The following CATSPER3 variants were observed in gnomAD, a reference collection of about 807,000 sequenced individuals.
The protein encoded by CATSPER3 is cation channel sperm-associated protein 3.
CATSPER3 carries 23 observed loss-of-function variants against 36.6 expected under a neutral mutation model. That is an observed-to-expected ratio of 0.63 (90% CI 0.45 to 0.89). The LOEUF is 0.89. Ranked by LOEUF, CATSPER3 falls within the 40% of genes least tolerant of loss-of-function variation. The pLI is 0.00. For synonymous variants in CATSPER3, 172 were observed against 184.1 expected (o/e 0.93, Z 0.53); for missense variants, 474 against 503.9 (o/e 0.94, Z 0.57).
At position 134,996,523 on chromosome 5, in the gene CATSPER3, T is replaced by C; in HGVS notation, c.492+11T>C. On this transcript the variant is annotated intron_variant, in intron 3 of 7. Coordinates refer to ENST00000282611, the MANE Select transcript of CATSPER3 (RefSeq NM_178019.3). ...AGCCAGGGCATCCGGGTGAGTGCAC[T>C]GGGGGTGTCATGGTGCTGGGAGGGC... 3 of 1,613,534 alleles carry C rather than the reference T, an allele frequency of 1.9e-6. No individual in the cohort carries two copies. In the South Asian group the frequency reaches 3.3e-5, roughly 18 times the overall value.
intron 2 of CATSPER3, among the ~76,000 whole-genome samples, chr5:134,986,213 C>T (rs1751806575): frequency 6.6e-6 from 1 of 151,268 alleles, no homozygotes; most frequent in African/African-American, 2.4e-5. Context: ...GGCACAATCT[C>T]AGCTCACTGC....
chr5:134,997,226 C>G (rs1438591908), intron 3 of CATSPER3, among the ~76,000 whole-genome samples: 2 of 152,234 alleles, frequency 1.3e-5, no homozygotes, highest in African/African-American at 4.8e-5. Flanking sequence ...GGAGGCTGCC[C>G]CTCGCCTGGG....
intron 4 of CATSPER3, among the ~76,000 whole-genome samples, chr5:135,008,371 G>T (rs1488174605): frequency 1.3e-5 from 2 of 152,116 alleles, no homozygotes; most frequent in Non-Finnish European, 2.9e-5. Flanking sequence ...TGTCTCACAG[G>T]GTGATCAAAC....
chr5:134,970,568 AT>A (rs35264342), intron 2 of CATSPER3, among the ~76,000 whole-genome samples: 2,370 of 124,196 alleles, frequency 0.019, 49 homozygotes, highest in African/African-American at 0.064. Context: ...GACATGGTGG[AT>A]TTTTTTTTTT....
In CATSPER3 at chr5:134,996,144, C is replaced by G. The variant is rs1456617414; in HGVS notation, c.253-129C>G. ...CTGAGCGTGTGCTGTGTGCCAGAAACTCTGCCTGGGTTTCTCTCTCATGTG... is the reference window on the plus strand; with the variant it reads ...CTGAGCGTGTGCTGTGTGCCAGAAAGTCTGCCTGGGTTTCTCTCTCATGTG... On this transcript the variant is annotated intron_variant, in intron 2 of 7. Transcript: ENST00000282611. The G allele has an allele frequency of 6.0e-6, 7 of 1,170,490 alleles. No homozygotes were observed. The East Asian group carries it at 1.6e-4, about 27-fold the overall frequency. 72.5% of individuals were successfully genotyped at this position (1,170,490 alleles called of 1,614,324 possible).
rs1219418849 is a variant in CATSPER3, at chr5:134,968,040, C to T, written c.49C>T (p.Pro17Ser). The T allele has an allele frequency of 1.2e-6, 2 of 1,613,924 alleles. No homozygotes were observed. The highest frequency in any genetic ancestry group is 2.2e-5 in the East Asian group (1 of 44,902). ...CCACTCGAGAGTCATTTCTAGTTCACCAGTTGACACTACATCGGTGGGATT... is the reference window on the plus strand; with the variant it reads ...CCACTCGAGAGTCATTTCTAGTTCATCAGTTGACACTACATCGGTGGGATT... ...QRHSRVISSS[P>S]VDTTSVGFCP... is the part of the protein sequence containing the mutation. Residue 17 changes from proline (P) to serine (S), a missense_variant, in exon 1 of 8, where the codon CCA becomes TCA. Pro to Ser is a moderately conservative substitution (Grantham distance 74). Transcript: ENST00000282611.
intron 2 of CATSPER3, among the ~76,000 whole-genome samples, chr5:134,993,618 TAA>T (rs1384770379): frequency 6.6e-6 from 1 of 152,158 alleles, no homozygotes; most frequent in Non-Finnish European, 1.5e-5. Context: ...ATCAGAAGTC[TAA>T]CAATTTTATG....
chr5:134,969,845 A>G (rs1751579676), intron 1 of CATSPER3, 94 bp from the exon 2 acceptor site: 3 of 1,284,088 alleles, frequency 2.3e-6, no homozygotes, highest in Admixed American at 1.7e-5. Context: ...CACAAGGGAG[A>G]AAGCAGAGCC....
intron 2 of CATSPER3, among the ~76,000 whole-genome samples, chr5:134,977,904 G>A (rs957665046): frequency 2.6e-5 from 4 of 152,178 alleles, no homozygotes; most frequent in Non-Finnish European, 4.4e-5. Flanking sequence ...TGGTGAGAGA[G>A]AGAGCAAGAG....
intron 2 of CATSPER3, among the ~76,000 whole-genome samples, chr5:134,992,447 G>A (rs185351139): frequency 6.8e-4 from 103 of 152,168 alleles, no homozygotes; most frequent in Non-Finnish European, 7.5e-4. Context: ...AAATGGGGCC[G>A]GGTGCAGTAG....
At chr5:134,990,290 A>G (rs890026439) in intron 2 of CATSPER3, among the ~76,000 whole-genome samples, 4 of 152,182 alleles carry the variant, frequency 2.6e-5, no homozygotes, top group East Asian at 1.9e-4. Flanking sequence ...ACATCATTCA[A>G]CATATGTAAG....
At chr5:134,982,787 C>T (rs1325921774) in intron 2 of CATSPER3, among the ~76,000 whole-genome samples, 1 of 152,104 alleles carries the variant, frequency 6.6e-6, no homozygotes, top group Non-Finnish European at 1.5e-5. Context: ...TCAGTAAATA[C>T]AAAAGCTAGT....
chr5:134,987,424 C>G (rs1751825349), intron 2 of CATSPER3, among the ~76,000 whole-genome samples: 1 of 152,096 alleles, frequency 6.6e-6, no homozygotes, highest in African/African-American at 2.4e-5. Flanking sequence ...AGATTAACAC[C>G]AATTCTTCCC....
rs145171708 is a variant in CATSPER3, at chr5:135,008,038, G to C, written c.574G>C (p.Ala192Pro). 6.2e-7 allele frequency: 1 copy of C among 1,613,954 alleles called. No individual in the cohort carries two copies. Among genetic ancestry groups the C allele is most frequent in the African/African-American group, 1.3e-5 (1 of 74,906 alleles). ...GCTCTTCCTCCTCATGTACATCTTC[G>C]CTATCTTGGGCTTCTGCCTGTTTGG... ...LLLFLLMYIF[A>P]ILGFCLFGSP... The change falls in exon 4 of 8, where the codon GCT becomes CCT. Residue 192 changes from alanine (A) to proline (P), a missense_variant. Physicochemically the swap from Ala to Pro is conservative, Grantham distance 27. Transcript: ENST00000282611.
intron 6 of CATSPER3, 87 bp from the exon 7 acceptor site, chr5:135,010,286 G>A: frequency 8.4e-7 from 1 of 1,192,894 alleles, no homozygotes; most frequent in Admixed American, 1.7e-5. Flanking sequence ...CCGCTGCCTG[G>A]GGCCCATCCT....
At chr5:135,004,847 T>G (rs959646242) in intron 3 of CATSPER3, among the ~76,000 whole-genome samples, 2 of 151,640 alleles carry the variant, frequency 1.3e-5, no homozygotes, top group Non-Finnish European at 2.9e-5. Context: ...CAGGATAAGG[T>G]AGATGGTGGC....
rs752868103 is a variant in CATSPER3, at chr5:135,007,917, TGGTG to T, written c.493-38_493-35del. On this transcript the variant is annotated intron_variant, in intron 3 of 7. Coordinates refer to ENST00000282611, the MANE Select transcript of CATSPER3 (RefSeq NM_178019.3). Reference sequence around the variant, plus strand: ...CTCTGTCCCTGGAGCCCACCCAGCTTGGTGGTACCCTCGCCTACCACAGTGTCCC... The same window carrying T: ...CTCTGTCCCTGGAGCCCACCCAGCTTGTACCCTCGCCTACCACAGTGTCCC... 3 of 1,552,318 alleles carry T rather than the reference TGGTG, an allele frequency of 1.9e-6. No homozygotes were observed. In the Admixed American group the frequency reaches 5.2e-5, roughly 27 times the overall value.
chr5:134,978,164 G>A (rs1294909071), intron 2 of CATSPER3, among the ~76,000 whole-genome samples: 1 of 152,170 alleles, frequency 6.6e-6, no homozygotes, highest in Non-Finnish European at 1.5e-5. Context: ...GAGCAGGGGG[G>A]AAGGAGAGGA....
intron 2 of CATSPER3, among the ~76,000 whole-genome samples, chr5:134,976,499 G>T (rs1039835546): frequency 6.6e-6 from 1 of 152,242 alleles, no homozygotes; most frequent in Non-Finnish European, 1.5e-5. Context: ...CACTCCCTGT[G>T]TCTGCTCTCA....
Sources: allele counts gnomAD v4.1 joint callset (sites outside exome capture counted in the v4.1 genomes callset), GRCh38; gene constraint gnomAD v4.1.1; transcripts MANE v1.5; gene names NCBI Gene and HGNC (gene_info 2026-07-23, HGNC 2026-07-21).